Variants in CHN2 observed in about 807,000 individuals in gnomAD.
CHN2 encodes the protein chimerin 2, also known as beta-chimaerin.
CHN2 carries 35 observed loss-of-function variants against 56.3 expected under a neutral mutation model. That is an observed-to-expected ratio of 0.62 (90% CI 0.47 to 0.82). The LOEUF is 0.82. CHN2 is among the 40% of genes least tolerant of loss of function. The pLI, the probability that CHN2 is intolerant of heterozygous loss-of-function variation, is 0.00. For synonymous variants in CHN2, 210 were observed against 212.8 expected (o/e 0.99, Z 0.12); for missense variants, 491 against 580.5 (o/e 0.85, Z 1.58).
At chr7:29,445,106 A>G (rs1463027943) in intron 6 of CHN2, 1 of 455,832 alleles carries the variant, frequency 2.2e-6, no homozygotes, top group East Asian at 6.9e-5. Flanking sequence ...ATTCTCCTCC[A>G]CGCTTTCTTC....
rs575148771 is a variant in CHN2 at position 29,177,620 on chromosome 7, T to C, written c.274+30660T>C. On this transcript the variant is annotated intron_variant, in intron 2 of 6. Coordinates refer to the CHN2 transcript ENST00000439384. The stretch of plus-strand genomic sequence containing the variant: ...CCCCTCATTTTTTCTCTCTCTCTTT[T>C]CCTTCTTCCATCTGTTTATCTATCT... 4.6e-5 allele frequency among the ~76,000 whole-genome samples: 7 copies of C among 151,878 alleles called. No individual in the cohort carries two copies. In the East Asian group the frequency reaches 1.4e-3, roughly 29 times the overall value.
intron 2 of CHN2, among the ~76,000 whole-genome samples, chr7:29,360,991 TG>T (rs1383181593): frequency 6.6e-6 from 1 of 152,202 alleles, no homozygotes; most frequent in Non-Finnish European, 1.5e-5. Flanking sequence ...CCCCAGTGGC[TG>T]CCACCCCTGC....
rs117161309 is a variant in CHN2, at chr7:29,148,089, A to C, written c.274+1129A>C. Reference sequence around the variant, plus strand: ...CAAGAGTATGAACACCAGAGTCAGCAATGTTCGCCCATGGGAGTACAGACA... The same window carrying C: ...CAAGAGTATGAACACCAGAGTCAGCCATGTTCGCCCATGGGAGTACAGACA... On this transcript the variant is annotated intron_variant, in intron 2 of 6. Coordinates refer to the CHN2 transcript ENST00000439384. Among the ~76,000 whole-genome samples the C allele has an allele frequency of 9.2e-5, 14 of 152,332 alleles. No homozygotes were observed. In the East Asian group the frequency reaches 2.1e-3, roughly 23 times the overall value.
At position 29,400,819 on chromosome 7, in the gene CHN2, G is replaced by T. The variant is rs149070963; in HGVS notation, c.567G>T (p.Ala189=). The T allele has an allele frequency of 4.3e-6, 7 of 1,613,066 alleles. No homozygotes were observed. The African/African-American group carries it at 6.7e-5, about 15-fold the overall frequency. The change falls in exon 6 of 13, where the codon GCG becomes GCT. Residue 189 remains alanine, a synonymous_variant. Transcript: ENST00000222792. ...KTNVTHEEHT[A]VEKISSLVRR... is the part of the protein sequence containing the mutation. Reference sequence around the variant, plus strand: ...ACGTCACACATGAAGAACACACAGCGGTGGAAAAGGTGAGCTGTGTGTGAT... The same window carrying T: ...ACGTCACACATGAAGAACACACAGCTGTGGAAAAGGTGAGCTGTGTGTGAT...
intron 6 of CHN2, among the ~76,000 whole-genome samples, chr7:29,412,355 C>T (rs1031073403): frequency 4.3e-5 from 4 of 93,254 alleles, no homozygotes; most frequent in East Asian, 3.7e-4. Flanking sequence ...TTTTGGGAGA[C>T]GGAGTCTCCC....
chr7:29,322,423 A>G (rs1193241503), intron 1 of CHN2, among the ~76,000 whole-genome samples: 1 of 152,142 alleles, frequency 6.6e-6, no homozygotes, highest in Non-Finnish European at 1.5e-5. Flanking sequence ...CCTTTGCCAA[A>G]TCTCCCCAAG....
intron 1 of CHN2, among the ~76,000 whole-genome samples, chr7:29,258,299 T>C (rs978676688): frequency 3.3e-5 from 5 of 152,170 alleles, no homozygotes; most frequent in African/African-American, 1.2e-4. Flanking sequence ...GTCTTAAAGA[T>C]TAGATGATCC....
rs192604495 is a variant in CHN2 at position 29,293,328 on chromosome 7, C to G, written c.50-61297C>G. Among the ~76,000 whole-genome samples the G allele has an allele frequency of 1.7e-4, 26 of 149,366 alleles. No individual in the cohort carries two copies. The East Asian group carries it at 4.7e-3, about 27-fold the overall frequency. ...AGGACTGTCGGGCTTTGACCCATCA[C>G]TCTACCTACACCCTTCTTCTGAGGG... On this transcript the variant is annotated intron_variant, in intron 1 of 12. Coordinates refer to ENST00000222792, the MANE Select transcript of CHN2 (RefSeq NM_004067.4).
At chr7:29,175,192 T>C (rs1041509534) in intron 2 of CHN2, among the ~76,000 whole-genome samples, 1 of 149,420 alleles carries the variant, frequency 6.7e-6, no homozygotes. Context: ...TTTTTTTTTT[T>C]GAGACGGGGC....
chr7:29,181,380 G>T (rs1346339570), intron 2 of CHN2: 1 of 152,120 alleles, frequency 6.6e-6, no homozygotes, highest in Non-Finnish European at 1.5e-5. Flanking sequence ...TGGTGCCCAT[G>T]CCACTGACGT....
intron 6 of CHN2, among the ~76,000 whole-genome samples, chr7:29,412,595 C>G (rs957946073): frequency 6.6e-6 from 1 of 152,066 alleles, no homozygotes; most frequent in Non-Finnish European, 1.5e-5. Flanking sequence ...TCCCAAAGTG[C>G]TGGGATTACA....
At chr7:29,178,997 C>T (rs924523476) in intron 2 of CHN2, among the ~76,000 whole-genome samples, 1 of 152,172 alleles carries the variant, frequency 6.6e-6, no homozygotes, top group African/African-American at 2.4e-5. Context: ...ATTTGCACCT[C>T]CTCAGTTATG....
intron 3 of CHN2, among the ~76,000 whole-genome samples, chr7:29,382,272 T>C (rs985096233): frequency 2.0e-5 from 3 of 152,202 alleles, no homozygotes; most frequent in Non-Finnish European, 4.4e-5. Context: ...TCTGGGTGGC[T>C]TATGTTGGTT....
chr7:29,366,340 T>C (rs1799159537), intron 2 of CHN2, among the ~76,000 whole-genome samples: 1 of 152,064 alleles, frequency 6.6e-6, no homozygotes, highest in East Asian at 1.9e-4. Context: ...GCCTCTCCTA[T>C]GGTCAGTGGA....
chr7:29,431,748 C>T (rs987415768), intron 6 of CHN2, among the ~76,000 whole-genome samples: 9 of 152,276 alleles, frequency 5.9e-5, no homozygotes, highest in African/African-American at 1.9e-4. Flanking sequence ...CTGTATTGGG[C>T]AATCAGGGAG....
intron 1 of CHN2, among the ~76,000 whole-genome samples, chr7:29,249,078 T>C (rs1788292940): frequency 6.6e-6 from 1 of 152,130 alleles, no homozygotes; most frequent in Non-Finnish European, 1.5e-5. Context: ...TGGATAGATA[T>C]AGAGACAGGA....
intron 1 of CHN2, among the ~76,000 whole-genome samples, chr7:29,303,951 T>C (rs1793925649): frequency 6.6e-6 from 1 of 151,798 alleles, no homozygotes. Flanking sequence ...TCTCAGCTAC[T>C]CGAGAGGCTG....
At chr7:29,301,468 G>A (rs1358671346) in intron 1 of CHN2, among the ~76,000 whole-genome samples, 1 of 151,730 alleles carries the variant, frequency 6.6e-6, no homozygotes, top group Non-Finnish European at 1.5e-5. Context: ...AGATGCTCCT[G>A]GCCTTTCTGT....
At chr7:29,437,491 G>A (rs1444613052) in intron 6 of CHN2, among the ~76,000 whole-genome samples, 35 of 128,236 alleles carry the variant, frequency 2.7e-4, no homozygotes, top group African/African-American at 7.6e-4. Flanking sequence ...CCAGCTACTC[G>A]GGAGGCTGAG....
Sources: allele counts gnomAD v4.1 joint callset (sites outside exome capture counted in the v4.1 genomes callset), GRCh38; gene constraint gnomAD v4.1.1; transcripts MANE v1.5; gene names NCBI Gene and HGNC (gene_info 2026-07-23, HGNC 2026-07-21).